Variants in ZEB2 observed in about 807,000 individuals in gnomAD.
The protein encoded by ZEB2 is zinc finger E-box binding homeobox 2.
A neutral mutation model predicts 99.9 loss-of-function variants in ZEB2; 6 were observed. The ratio of observed to expected loss-of-function variants is 0.06; its 90% CI spans 0.03 to 0.12. The LOEUF (loss-of-function observed/expected upper bound fraction) is 0.12, where lower values mean the gene tolerates loss of function less well. ZEB2 is among the 10% of genes least tolerant of loss of function. The probability of loss-of-function intolerance (pLI) is 1.00; values close to 1 mark genes in which losing one functional copy is unlikely to be tolerated. For synonymous variants in ZEB2, 517 were observed against 542.5 expected (o/e 0.95, Z 0.65); for missense variants, 969 against 1,502.8 (o/e 0.64, Z 5.87).
chr2:144,481,327 CACATGGCCCGGGTGTGACTGAAAGT>C (rs1704508202), intron 2 of ZEB2, among the ~76,000 whole-genome samples: 1 of 152,196 alleles, frequency 6.6e-6, no homozygotes, highest in Non-Finnish European at 1.5e-5. Context: ...GTGGCCCGAG[CACATGGCCCGGGTGTGACTGAAAGT>C]ACACAATTCT....
intron 2 of ZEB2, chr2:144,461,479 A>T (rs1188805164): frequency 1.3e-5 from 2 of 152,298 alleles, no homozygotes; most frequent in African/African-American, 2.4e-5. Flanking sequence ...GGCCCATTGC[A>T]TCATTGTCAG....
At position 144,472,841 on chromosome 2, in the gene ZEB2, A is replaced by C. The variant is rs1456616434; in HGVS notation, c.74-42815T>G. On this transcript the variant is annotated intron_variant, in intron 2 of 9. Coordinates refer to ENST00000627532, the MANE Select transcript of ZEB2 (RefSeq NM_014795.4). ...GTACCAGAAGAGCTTACCTCCAAAA[A>C]GAAAGAAAAAAAGATTGGAACAATT... is the stretch of plus-strand genomic sequence containing the variant. 8.7e-5 allele frequency among the ~76,000 whole-genome samples: 5 copies of C among 57,674 alleles called. No homozygotes were observed. The Admixed American group carries it at 1.0e-3, about 12-fold the overall frequency. 37.8% of individuals were successfully genotyped at this position (57,674 alleles called of 152,430 possible).
intron 4 of ZEB2, among the ~76,000 whole-genome samples, chr2:144,412,167 G>C (rs139139577): frequency 8.8e-4 from 134 of 152,298 alleles, no homozygotes; most frequent in Middle Eastern, 3.4e-3. Flanking sequence ...TACTAGGGAG[G>C]CTGAGGCAGG....
chr2:144,406,342 G>C (rs985773682), intron 4 of ZEB2, among the ~76,000 whole-genome samples: 2 of 152,190 alleles, frequency 1.3e-5, no homozygotes, highest in Non-Finnish European at 2.9e-5. Flanking sequence ...AGCCATGAGA[G>C]AGATTAATAC....
chr2:144,421,936 C>G (rs574146081), intron 4 of ZEB2, among the ~76,000 whole-genome samples: 10 of 152,312 alleles, frequency 6.6e-5, no homozygotes, highest in Admixed American at 3.3e-4. Context: ...AAGGCTGGTT[C>G]AAGATCTTCT....
intron 2 of ZEB2, among the ~76,000 whole-genome samples, chr2:144,456,398 C>A (rs1483003603): frequency 6.6e-6 from 1 of 152,086 alleles, no homozygotes; most frequent in Admixed American, 6.6e-5. Context: ...GCTTTTTAAG[C>A]TTTAAAAAAT....
At position 144,463,870 on chromosome 2, in the gene ZEB2, A is replaced by C. The variant is rs978418848; in HGVS notation, c.74-33844T>G. On this transcript the variant is annotated intron_variant, in intron 2 of 9. Transcript: ENST00000627532. ...ACAAAAAACAAAAAACAAAAAAAGA[A>C]AGACAGAGAGAGAAAGAAAGAAAGA... 25 of 151,950 alleles carry C rather than the reference A, an allele frequency of 1.6e-4. 1 individual carries two copies. Among genetic ancestry groups the C allele is most frequent in the African/African-American group, 6.0e-4 (25 of 41,350 alleles). The allele number at this position is 151,950 out of a possible 1,614,324, so 9.4% of individuals were successfully genotyped here.
At chr2:144,391,046 G>T (rs1281807707) in intron 9 of ZEB2, among the ~76,000 whole-genome samples, 2 of 152,164 alleles carry the variant, frequency 1.3e-5, no homozygotes, top group Non-Finnish European at 2.9e-5. Context: ...ATACAAACTT[G>T]CATTTCAGCA....
chr2:144,427,993 A>G (rs1327096756), intron 3 of ZEB2: 2 of 152,156 alleles, frequency 1.3e-5, no homozygotes, highest in Non-Finnish European at 2.9e-5. Context: ...ACAAACTACT[A>G]CAGCTTGACA....
intron 1 of ZEB2, among the ~76,000 whole-genome samples, chr2:144,519,130 T>G (rs1233545801): frequency 6.6e-6 from 1 of 152,198 alleles, no homozygotes; most frequent in Non-Finnish European, 1.5e-5. Flanking sequence ...TGTGTATGTG[T>G]CTTCTATTAA....
intron 2 of ZEB2, 74 bp downstream of exon 2, chr2:144,517,204 C>A: frequency 6.3e-7 from 1 of 1,595,658 alleles, no homozygotes; most frequent in Admixed American, 1.7e-5. Flanking sequence ...GTTCCTTTTC[C>A]CTTTCCCCCT....
intron 2 of ZEB2, among the ~76,000 whole-genome samples, chr2:144,499,327 A>G (rs1461436356): frequency 6.6e-6 from 1 of 152,244 alleles, no homozygotes; most frequent in Admixed American, 6.5e-5. Flanking sequence ...AATTTCTTCC[A>G]TTAAAAGATT....
intron 5 of ZEB2, 60 bp downstream of exon 5, chr2:144,404,776 T>C: frequency 6.4e-7 from 1 of 1,574,778 alleles, no homozygotes; most frequent in Non-Finnish European, 8.7e-7. Flanking sequence ...ATGTAGTGCA[T>C]TTGTAATTGT....
intron 4 of ZEB2, among the ~76,000 whole-genome samples, chr2:144,414,178 C>T (rs1253818771): frequency 6.6e-6 from 1 of 152,194 alleles, no homozygotes; most frequent in Non-Finnish European, 1.5e-5. Flanking sequence ...TAAACTTAGA[C>T]CTAACTGGCA....
At chr2:144,518,525 G>A (rs1429376586) in intron 1 of ZEB2, 1 of 152,100 alleles carries the variant, frequency 6.6e-6, no homozygotes, top group Admixed American at 6.5e-5. Flanking sequence ...CAGTCCCCAC[G>A]CCCCACACCT....
Position 144,399,104 on chromosome 2 carries a change from G to T in ZEB2, c.2083C>A (p.Arg695=). ...QEFVKEWFEQ[R]KVYQYSNSRS... is the part of the protein sequence containing the mutation. ...GAATTTGAGTACTGGTAGACTTTTCGTTGTTCAAACCATTCCTTCACAAAT... is the reference window on the plus strand; with the variant it reads ...GAATTTGAGTACTGGTAGACTTTTCTTTGTTCAAACCATTCCTTCACAAAT... The change falls in exon 8 of 10, where the codon CGA becomes AGA. Residue 695 remains arginine, a synonymous_variant. Transcript: ENST00000627532. The surrounding 1 kb of genome is among the most constrained non-coding windows in gnomAD (Gnocchi z 5.6). 6.2e-7 allele frequency: 1 copy of T among 1,614,088 alleles called. No homozygotes were observed. The highest frequency in any genetic ancestry group is 8.5e-7 in the Non-Finnish European group (1 of 1,180,020).
rs150107293 is a variant in ZEB2 at position 144,459,785 on chromosome 2, C to T, written c.74-29759G>A. 5.8e-4 allele frequency among the ~76,000 whole-genome samples: 89 copies of T among 152,234 alleles called. 3 individuals carry two copies. In the East Asian group the frequency reaches 0.016, roughly 28 times the overall value. On this transcript the variant is annotated intron_variant, in intron 2 of 9. Transcript: ENST00000627532. Reference sequence around the variant, plus strand: ...AACAGAGCTAAAGAGAATTGGTTTCCTTTAGAGTTAAGCATAACCAAAATT... The same window carrying T: ...AACAGAGCTAAAGAGAATTGGTTTCTTTTAGAGTTAAGCATAACCAAAATT...
chr2:144,499,413 A>T (rs116595155), intron 2 of ZEB2, among the ~76,000 whole-genome samples: 1,565 of 152,342 alleles, frequency 0.01, 24 homozygotes, highest in African/African-American at 0.036. Flanking sequence ...AATCTATAGA[A>T]TCCACTCATT....
rs1413136303 is a variant in ZEB2, at chr2:144,429,866, C to A, written c.234G>T (p.Leu78=). The change falls in exon 3 of 10, where the codon CTG becomes CTT. Residue 78 remains leucine (L), a synonymous_variant. Coordinates refer to ENST00000627532, the MANE Select transcript of ZEB2 (RefSeq NM_014795.4). ...CATCTTCCTCTTCCTCTCTTGGCAACAGAGCTTGGCTCACGTGTGGGGAGG... is the reference window on the plus strand; with the variant it reads ...CATCTTCCTCTTCCTCTCTTGGCAAAAGAGCTTGGCTCACGTGTGGGGAGG... ...HESSPHVSQA[L]LPREEEEDEI... 1 of 1,613,716 alleles carries A rather than the reference C, an allele frequency of 6.2e-7. No individual in the cohort carries two copies. The highest frequency in any genetic ancestry group is 1.3e-5 in the African/African-American group (1 of 74,864).
Sources: allele counts gnomAD v4.1 joint callset (sites outside exome capture counted in the v4.1 genomes callset), GRCh38; gene constraint gnomAD v4.1.1; non-coding constraint Gnocchi (gnomAD v3.1); transcripts MANE v1.5; gene names NCBI Gene and HGNC (gene_info 2026-07-23, HGNC 2026-07-21).